Variants in HSD11B1 observed in about 807,000 individuals in gnomAD.
HSD11B1 encodes the protein 11-beta-hydroxysteroid dehydrogenase 1.
HSD11B1 carries 15 observed loss-of-function variants against 22.1 expected under a neutral mutation model. The observed-to-expected ratio is 0.68, with a 90% CI of 0.45 to 1.04. The LOEUF (loss-of-function observed/expected upper bound fraction) is 1.04, where lower values mean the gene tolerates loss of function less well. Ranked by LOEUF, HSD11B1 falls within the 50% of genes least tolerant of loss-of-function variation. HSD11B1 has a pLI of 0.00. For missense variants in HSD11B1, 281 were observed against 357.6 expected (o/e 0.79, Z 1.73); for synonymous variants, 122 against 125.2 (o/e 0.97, Z 0.17).
intron 4 of HSD11B1, among the ~76,000 whole-genome samples, chr1:209,707,415 C>T (rs1031279240): frequency 6.6e-6 from 1 of 151,490 alleles, no homozygotes; most frequent in Non-Finnish European, 1.5e-5. Context: ...GACCTAGTTA[C>T]AATATTAACT....
At position 209,705,025 on chromosome 1, in the gene HSD11B1, G is replaced by T; in HGVS notation, c.83G>T (p.Arg28Ile). ...TACTATTCTGCAAACGAGGAATTCA[G>T]ACCAGGTAAGTACCCATGCGTCTCA... ...YYYYSANEEF[R>I]PEMLQGKKVI... is the part of the protein sequence containing the mutation. The change falls in exon 1 of 6, where the codon AGA becomes ATA. Residue 28 changes from arginine to isoleucine, a missense_variant. Physicochemically the swap from Arg to Ile is moderately conservative, Grantham distance 97 (BLOSUM62 -3). Coordinates refer to ENST00000367027, the MANE Select transcript of HSD11B1 (RefSeq NM_005525.4). The T allele has an allele frequency of 6.2e-7, 1 of 1,612,264 alleles. No individual in the cohort carries two copies. Among genetic ancestry groups the T allele is most frequent in the South Asian group, 1.1e-5 (1 of 91,016 alleles).
intron 4 of HSD11B1, among the ~76,000 whole-genome samples, chr1:209,718,945 G>A (rs1296977220): frequency 4.8e-5 from 7 of 145,672 alleles, no homozygotes; most frequent in African/African-American, 1.8e-4. Context: ...ACTTGAACCC[G>A]GGAGGCGGAG....
intron 4 of HSD11B1, 90 bp downstream of exon 4, chr1:209,707,218 TCA>T: frequency 2.7e-6 from 3 of 1,092,654 alleles, no homozygotes; most frequent in Non-Finnish European, 4.2e-6. Context: ...TAAATTTTTA[TCA>T]GTTTCCATGC....
At chr1:209,720,033 C>T (rs917735872) in intron 4 of HSD11B1, among the ~76,000 whole-genome samples, 10 of 152,142 alleles carry the variant, frequency 6.6e-5, no homozygotes, top group African/African-American at 2.4e-4. Context: ...ACCAACATGG[C>T]ACATGTGTAC....
chr1:209,734,071 C>T (rs1261580446), intron 5 of HSD11B1, among the ~76,000 whole-genome samples: 2 of 152,176 alleles, frequency 1.3e-5, no homozygotes, highest in African/African-American at 4.8e-5. Context: ...CCTCTAACTG[C>T]TCCCACCAAT....
intron 4 of HSD11B1, among the ~76,000 whole-genome samples, chr1:209,729,395 A>ACACAC (rs1558200095): frequency 8.6e-6 from 1 of 115,734 alleles, no homozygotes; most frequent in Non-Finnish European, 1.9e-5. Flanking sequence ...CACACACACA[A>ACACAC]GTAAGTTAAA....
At chr1:209,702,019 G>T (rs1232791345), upstream of HSD11B1, among the ~76,000 whole-genome samples, 1 of 152,218 alleles carries the variant, frequency 6.6e-6, no homozygotes, top group Non-Finnish European at 1.5e-5. Context: ...AGCCTGCTCT[G>T]GAATGGGAAT....
At chr1:209,687,161 T>G (rs542778705) in intron 1 of HSD11B1, among the ~76,000 whole-genome samples, 12 of 152,364 alleles carry the variant, frequency 7.9e-5, no homozygotes, top group African/African-American at 2.9e-4. Context: ...GATGCATGCT[T>G]CAGAAAACAT....
chr1:209,709,351 T>C (rs2076880195), intron 4 of HSD11B1, among the ~76,000 whole-genome samples: 1 of 152,222 alleles, frequency 6.6e-6, no homozygotes, highest in African/African-American at 2.4e-5. Context: ...GGAACCTCCT[T>C]GTAGTCCACA....
chr1:209,722,936 G>A (rs531111180), intron 4 of HSD11B1, among the ~76,000 whole-genome samples: 2 of 152,188 alleles, frequency 1.3e-5, no homozygotes, highest in Non-Finnish European at 2.9e-5. Flanking sequence ...GGGGATGAAC[G>A]AAAGCATGTA....
intron 1 of HSD11B1, among the ~76,000 whole-genome samples, chr1:209,686,680 T>TA (rs2076730891): frequency 6.6e-6 from 1 of 152,240 alleles, no homozygotes; most frequent in South Asian, 2.1e-4. Flanking sequence ...AAGCAGTTTT[T>TA]AAAATCGGCT....
intron 1 of HSD11B1, among the ~76,000 whole-genome samples, chr1:209,697,404 T>C (rs1412506154): frequency 6.6e-6 from 1 of 152,200 alleles, no homozygotes; most frequent in Non-Finnish European, 1.5e-5. Flanking sequence ...AACAACTTCC[T>C]GGAAGCAGCT....
intron 1 of HSD11B1, among the ~76,000 whole-genome samples, 196 bp downstream of exon 1, chr1:209,705,226 T>G (rs976578187): frequency 6.6e-6 from 1 of 152,122 alleles, no homozygotes; most frequent in Non-Finnish European, 1.5e-5. Flanking sequence ...GGTAATCGTG[T>G]AGCCAAAATC....
chr1:209,726,922 T>C (rs181346627), intron 4 of HSD11B1, among the ~76,000 whole-genome samples: 2 of 152,350 alleles, frequency 1.3e-5, no homozygotes, highest in East Asian at 3.9e-4. Flanking sequence ...TTAAATGTCA[T>C]AGTCAATATC....
In HSD11B1 at chr1:209,705,936, C is replaced by G. The variant is rs749592112; in HGVS notation, c.214C>G (p.Gln72Glu). ...VVTARSKETL[Q>E]KVVSHCLELG... is the part of the protein sequence containing the mutation. ...GACAGCGAGGTCAAAAGAAACTCTA[C>G]AGAAGGTGAGGGTTCTATGCTCGCA... The change falls in exon 2 of 6, where the codon CAG (glutamine) becomes GAG (glutamate). Residue 72 changes from glutamine to glutamate, a missense_variant. Gln to Glu is a conservative substitution (Grantham distance 29). Coordinates refer to ENST00000367027, the MANE Select transcript of HSD11B1 (RefSeq NM_005525.4). 3 of 1,613,684 alleles carry G rather than the reference C, an allele frequency of 1.9e-6. No individual in the cohort carries two copies. Among genetic ancestry groups the G allele is most frequent in the Non-Finnish European group, 2.5e-6 (3 of 1,179,796 alleles).
chr1:209,734,352 C>G lies in HSD11B1; in HGVS notation c.710C>G (p.Pro237Arg). Residue 237 changes from proline (P) to arginine (R), a missense_variant, in exon 6 of 6, where the codon CCA becomes CGA. Physicochemically the swap from Pro to Arg is moderately radical, Grantham distance 103. Transcript: ENST00000367027. Reference sequence around the variant, plus strand: ...GGGATAGTCCATATGCAAGCAGCTCCAAAGGAGGAATGTGCCCTGGAGATC... The same window carrying G: ...GGGATAGTCCATATGCAAGCAGCTCGAAAGGAGGAATGTGCCCTGGAGATC... Reference protein sequence around the residue: ...VSGIVHMQAAPKEECALEIIK... With the variant: ...VSGIVHMQAARKEECALEIIK... The G allele has an allele frequency of 6.2e-7, 1 of 1,614,104 alleles. No individual in the cohort carries two copies. Among genetic ancestry groups the G allele is most frequent in the Non-Finnish European group, 8.5e-7 (1 of 1,179,992 alleles).
chr1:209,712,668 T>A (rs1374298322), intron 4 of HSD11B1, among the ~76,000 whole-genome samples: 1 of 152,214 alleles, frequency 6.6e-6, no homozygotes, highest in Admixed American at 6.5e-5. Flanking sequence ...ATTCATTTAA[T>A]TGTTTATTTT....
chr1:209,734,652 CA>C lies in HSD11B1; in HGVS notation c.*134del. On this transcript the variant is annotated 3_prime_UTR_variant, in exon 6 of 6. Coordinates refer to ENST00000367027, the MANE Select transcript of HSD11B1 (RefSeq NM_005525.4). ...CATGCAAGTCATGGGTCACACCTGA[CA>C]AATGGAAGGAGTTCCTCTAACATTT... 1 of 741,036 alleles carries C rather than the reference CA, an allele frequency of 1.3e-6. No homozygotes were observed. The highest frequency in any genetic ancestry group is 1.7e-5 in the African/African-American group (1 of 57,352). The allele number at this position is 741,036 out of a possible 1,614,324, so 45.9% of individuals were successfully genotyped here. A position where few individuals can be genotyped will look rare whatever the true frequency, so the allele number is the denominator to read the frequency against.
upstream of HSD11B1, among the ~76,000 whole-genome samples, chr1:209,700,805 C>T (rs2076821882): frequency 1.3e-5 from 2 of 152,112 alleles, no homozygotes; most frequent in South Asian, 2.1e-4. Flanking sequence ...TGCCAGATAC[C>T]CTAAAAAACC....
Sources: gnomAD v4.1 joint callset for allele counts (sites outside exome capture counted in the v4.1 genomes callset) on GRCh38, gnomAD v4.1.1 for gene constraint, MANE v1.5 for transcripts, NCBI Gene and HGNC (gene_info 2026-07-23, HGNC 2026-07-21) for gene names.